CNTNAP2: variants seen among roughly 807,000 people sequenced by gnomAD.
The protein encoded by CNTNAP2 is contactin-associated protein-like 2.
A neutral mutation model predicts 155.2 loss-of-function variants in CNTNAP2; 98 were observed. That is an observed-to-expected ratio of 0.63 (90% CI 0.54 to 0.75). CNTNAP2 has a LOEUF of 0.75. CNTNAP2 is among the 30% of genes least tolerant of loss of function. The probability of loss-of-function intolerance (pLI) is 0.00; values close to 1 mark genes in which losing one functional copy is unlikely to be tolerated. For synonymous variants in CNTNAP2, 651 were observed against 631.2 expected (o/e 1.03, Z -0.47); for missense variants, 1,727 against 1,688.1 (o/e 1.02, Z -0.40).
chr7:146,515,797 G>A (rs1051637239), intron 1 of CNTNAP2, among the ~76,000 whole-genome samples: 7 of 152,008 alleles, frequency 4.6e-5, no homozygotes, highest in African/African-American at 1.7e-4. Flanking sequence ...ATCATGAGGT[G>A]TGAGGTGGGG....
rs569057534 is a variant in CNTNAP2, at chr7:146,306,286, G to T, written c.97+189313G>T. On this transcript the variant is annotated intron_variant, in intron 1 of 23. Coordinates refer to ENST00000361727, the MANE Select transcript of CNTNAP2 (RefSeq NM_014141.6). ...TACCAACCAAAAACGTCCAGGACCA[G>T]ATGGACTCAGAGCTGAATTCTACCA... Among the ~76,000 whole-genome samples the T allele has an allele frequency of 2.0e-5, 3 of 152,240 alleles. No homozygotes were observed. The South Asian group carries it at 6.2e-4, about 32-fold the overall frequency.
intron 1 of CNTNAP2, among the ~76,000 whole-genome samples, chr7:146,181,855 T>C (rs1798554215): frequency 6.6e-6 from 1 of 152,164 alleles, no homozygotes; most frequent in Admixed American, 6.6e-5. Flanking sequence ...CAAGCACATA[T>C]TTACACAAGT....
intron 1 of CNTNAP2, among the ~76,000 whole-genome samples, chr7:146,560,034 T>A (rs1465003181): frequency 6.6e-6 from 1 of 152,218 alleles, no homozygotes; most frequent in Non-Finnish European, 1.5e-5. Flanking sequence ...AACACTTTTA[T>A]TTGCTTGCAG....
intron 3 of CNTNAP2, among the ~76,000 whole-genome samples, chr7:147,010,108 G>A (rs1340666292): frequency 6.8e-6 from 1 of 147,956 alleles, no homozygotes; most frequent in East Asian, 2.1e-4. Context: ...TTCCCGGGTT[G>A]AAGTGATTCT....
chr7:146,233,799 C>G (rs1483132049), intron 1 of CNTNAP2, among the ~76,000 whole-genome samples: 2 of 151,846 alleles, frequency 1.3e-5, no homozygotes, highest in Non-Finnish European at 2.9e-5. Context: ...AGGAACTCAT[C>G]ATTTTTTATG....
intron 9 of CNTNAP2, among the ~76,000 whole-genome samples, chr7:147,381,066 T>G (rs1401294811): frequency 1.3e-5 from 2 of 152,124 alleles, no homozygotes; most frequent in Admixed American, 1.3e-4. Flanking sequence ...CGCTACTCCC[T>G]CAAAGCTGTC....
At chr7:146,155,862 A>G (rs7786904) in intron 1 of CNTNAP2, among the ~76,000 whole-genome samples, 48,845 of 151,336 alleles carry the variant, frequency 0.32, 9,573 homozygotes, top group African/African-American at 0.55. Flanking sequence ...ACCATGCCTG[A>G]CTAATTTTTT....
intron 1 of CNTNAP2, among the ~76,000 whole-genome samples, chr7:146,174,557 G>A (rs1584787100): frequency 6.6e-6 from 1 of 152,238 alleles, no homozygotes; most frequent in African/African-American, 2.4e-5. Flanking sequence ...TCTACTATAG[G>A]CTGGGCGTGG....
intron 1 of CNTNAP2, among the ~76,000 whole-genome samples, chr7:146,648,403 GC>G (rs757594560): frequency 3.1e-4 from 47 of 152,222 alleles, no homozygotes; most frequent in Non-Finnish European, 5.3e-4. Flanking sequence ...AAAGCCCATA[GC>G]TTGGGGTCAT....
chr7:147,285,445 T>A (rs1805155329), intron 8 of CNTNAP2, among the ~76,000 whole-genome samples: 1 of 151,992 alleles, frequency 6.6e-6, no homozygotes, highest in Non-Finnish European at 1.5e-5. Flanking sequence ...ACATACTATT[T>A]TAAAGGAAGC....
intron 15 of CNTNAP2, among the ~76,000 whole-genome samples, chr7:148,117,164 C>T (rs930540080): frequency 6.6e-6 from 1 of 152,222 alleles, no homozygotes; most frequent in African/African-American, 2.4e-5. Context: ...GAAACACTGG[C>T]TGCTCTGTCA....
chr7:147,097,726 G>C (rs1054743091), intron 4 of CNTNAP2: 4 of 152,158 alleles, frequency 2.6e-5, no homozygotes, highest in South Asian at 2.1e-4. Flanking sequence ...AATTTGAAAA[G>C]GATAGCGCAT....
intron 14 of CNTNAP2, among the ~76,000 whole-genome samples, chr7:147,954,442 AG>A (rs1800986494): frequency 6.6e-6 from 1 of 151,918 alleles, no homozygotes; most frequent in African/African-American, 2.4e-5. Context: ...CAGAAGGAAA[AG>A]AAGACAGCAA....
intron 11 of CNTNAP2, among the ~76,000 whole-genome samples, chr7:147,489,201 T>C (rs1259613743): frequency 6.6e-6 from 1 of 152,190 alleles, no homozygotes. Flanking sequence ...TGTGTGTACA[T>C]GGGGACTTTG....
chr7:147,909,649 G>A (rs1055183010), intron 14 of CNTNAP2, among the ~76,000 whole-genome samples: 8 of 152,154 alleles, frequency 5.3e-5, no homozygotes, highest in Non-Finnish European at 7.4e-5. Context: ...AATTACACGA[G>A]TCTTGGTCTC....
intron 13 of CNTNAP2, among the ~76,000 whole-genome samples, chr7:147,869,592 A>G (rs1410453733): frequency 1.3e-5 from 2 of 152,252 alleles, no homozygotes; most frequent in Non-Finnish European, 2.9e-5. Flanking sequence ...TCAGCTCACA[A>G]GACAGTAGTA....
intron 3 of CNTNAP2, among the ~76,000 whole-genome samples, chr7:147,021,261 A>G (rs954364062): frequency 1.6e-5 from 2 of 128,304 alleles, no homozygotes; most frequent in Non-Finnish European, 3.5e-5. Flanking sequence ...GGCCCAAGAC[A>G]ATTCTTCTTT....
intron 1 of CNTNAP2, among the ~76,000 whole-genome samples, chr7:146,626,486 G>A (rs1204934915): frequency 6.6e-6 from 1 of 152,036 alleles, no homozygotes; most frequent in Non-Finnish European, 1.5e-5. Context: ...GATCAAATAT[G>A]TTGACTTAGA....
intron 13 of CNTNAP2, among the ~76,000 whole-genome samples, chr7:147,793,471 C>T (rs542633636): frequency 4.6e-5 from 7 of 152,052 alleles, no homozygotes; most frequent in Non-Finnish European, 8.8e-5. Flanking sequence ...GTTTGGCACT[C>T]TGGCTGAAAA....
Sources: gnomAD v4.1 joint callset for allele counts (sites outside exome capture counted in the v4.1 genomes callset) on GRCh38, gnomAD v4.1.1 for gene constraint, MANE v1.5 for transcripts, NCBI Gene and HGNC (gene_info 2026-07-23, HGNC 2026-07-21) for gene names.